MMP25: variants seen among roughly 807,000 people sequenced by gnomAD.
The protein encoded by MMP25 is matrix metalloproteinase-25.
In MMP25, 68 loss-of-function variants were observed where a neutral mutation model predicts 62.1. That is an observed-to-expected ratio of 1.10 (90% CI 0.90 to 1.34). The LOEUF is 1.34. MMP25 is among the 40% of genes most tolerant of loss of function. MMP25 has a pLI of 0.00. For missense variants in MMP25, 942 were observed against 792.5 expected (o/e 1.19, Z -2.26); for synonymous variants, 407 against 345.6 (o/e 1.18, Z -1.97).
intron 4 of MMP25, chr16:3,052,884 AG>A (rs1955926153): frequency 1.3e-5 from 2 of 152,388 alleles, no homozygotes; most frequent in Admixed American, 6.5e-5. Context: ...GCAGTTTCTC[AG>A]GGGCCATGTG....
At chr16:3,047,264 G>T (rs1047195355) in intron 1 of MMP25, 151 bp from the exon 2 acceptor site, 6 of 1,214,370 alleles carry the variant, frequency 4.9e-6, no homozygotes, top group East Asian at 2.5e-5. Context: ...GGACTGAAGC[G>T]GGGACCTATG....
chr16:3,058,813 C>A lies in MMP25; in HGVS notation c.1418-14C>A, dbSNP rs1956064135. The A allele has an allele frequency of 6.6e-7, 1 of 1,504,758 alleles. No individual in the cohort carries two copies. Among genetic ancestry groups the A allele is most frequent in the Non-Finnish European group, 8.9e-7 (1 of 1,122,720 alleles). 93.2% of individuals were successfully genotyped at this position (1,504,758 alleles called of 1,614,324 possible). On this transcript the variant is annotated splice_polypyrimidine_tract_variant and intron_variant, in intron 9 of 9. Coordinates refer to ENST00000336577, the MANE Select transcript of MMP25 (RefSeq NM_022468.5). The stretch of plus-strand genomic sequence containing the variant: ...GGGCGGGGAGGGACCGGGACTCAAG[C>A]TCTGCTCCTCCAGGTGACACCTACT...
chr16:3,057,580 G>C lies in MMP25; in HGVS notation c.973G>C (p.Ala325Pro). Residue 325 changes from alanine (A) to proline (P), a missense_variant, in exon 7 of 10, where the codon GCC becomes CCC. Physicochemically the swap from Ala to Pro is conservative, Grantham distance 27. Transcript: ENST00000336577. ...DRCEGNFDAI[A>P]NIRGETFFFK... ...ATGTGAGGGCAATTTTGACGCCATC[G>C]CCAACATCCGAGGGGAAACTTTCTT... 4.3e-6 allele frequency: 7 copies of C among 1,614,126 alleles called. No individual in the cohort carries two copies. Among genetic ancestry groups the C allele is most frequent in the Non-Finnish European group, 5.9e-6 (7 of 1,180,026 alleles).
At chr16:3,053,439 G>A (rs2741903) in intron 4 of MMP25, 11 of 121,392 alleles carry the variant, frequency 9.1e-5, no homozygotes, top group African/African-American at 1.2e-4. Context: ...CAGGTTCCTC[G>A]CCTGAGAAAT....
rs4025755 is a variant in MMP25, at chr16:3,054,414, A to T, written c.662-2619A>T. ...AATGGACAGATGCATGCACAGAGGC[A>T]GGGATGGATGGATGGACAGATGCAT... On this transcript the variant is annotated intron_variant, in intron 4 of 9. Coordinates refer to ENST00000336577, the MANE Select transcript of MMP25 (RefSeq NM_022468.5). 2.9e-5 allele frequency: 2 copies of T among 68,748 alleles called. 1 individual carries two copies. Among genetic ancestry groups the T allele is most frequent in the African/African-American group, 1.3e-4 (2 of 15,448 alleles). The allele number at this position is 68,748 out of a possible 1,614,324, so 4.3% of individuals were successfully genotyped here.
Position 3,060,520 on chromosome 16 carries a change from A to G in MMP25, c.*1422A>G, listed in dbSNP as rs961054769. On this transcript the variant is annotated 3_prime_UTR_variant, in exon 10 of 10. Coordinates refer to ENST00000336577, the MANE Select transcript of MMP25 (RefSeq NM_022468.5). ...GCTGTGGGCGGCTGTCCCAGCAACC[A>G]TGCGAGGGGTTGCCCCAGTTGCTCA... 11 of 152,302 alleles carry G rather than the reference A, an allele frequency of 7.2e-5. No individual in the cohort carries two copies. The highest frequency in any genetic ancestry group is 7.2e-4 in the Admixed American group (11 of 15,308). 9.4% of individuals were successfully genotyped at this position (152,302 alleles called of 1,614,324 possible).
chr16:3,049,857 C>T, intron 2 of MMP25, 152 bp from the exon 3 acceptor site: 1 of 1,140,554 alleles, frequency 8.8e-7, no homozygotes, highest in South Asian at 1.3e-5. Context: ...GACAGACTGC[C>T]TGGGTTCAAA....
chr16:3,050,319 C>T lies in MMP25; in HGVS notation c.434C>T (p.Ala145Val). The stretch of plus-strand genomic sequence containing the variant: ...ACCGTGCGGGTCCTCATGAGCTATG[C>T]CCTGATGGCCTGGGGCATGGAGTCA... ...QETVRVLMSY[A>V]LMAWGMESGL... The change falls in exon 4 of 10, where the codon GCC becomes GTC. Residue 145 changes from alanine to valine, a missense_variant. Ala to Val is a moderately conservative substitution (Grantham distance 64). Coordinates refer to ENST00000336577, the MANE Select transcript of MMP25 (RefSeq NM_022468.5). 1.2e-6 allele frequency: 2 copies of T among 1,613,792 alleles called. No individual in the cohort carries two copies. The highest frequency in any genetic ancestry group is 1.7e-6 in the Non-Finnish European group (2 of 1,179,872).
At chr16:3,051,755 G>A (rs1955905517) in intron 4 of MMP25, 1 of 152,130 alleles carries the variant, frequency 6.6e-6, no homozygotes, top group African/African-American at 2.4e-5. Context: ...AGCCTGCAGG[G>A]GCTCAGAGAT....
At chr16:3,048,605 A>G (rs1228252331) in intron 2 of MMP25, among the ~76,000 whole-genome samples, 1 of 152,112 alleles carries the variant, frequency 6.6e-6, no homozygotes, top group Non-Finnish European at 1.5e-5. Flanking sequence ...AAGATGTGGA[A>G]GAAGAGTGTC....
chr16:3,055,426 C>A, intron 4 of MMP25, among the ~76,000 whole-genome samples: 1 of 152,110 alleles, frequency 6.6e-6, no homozygotes, highest in South Asian at 2.1e-4. Flanking sequence ...AGAGAACCTA[C>A]AGTCGACAGG....
At chr16:3,056,331 C>T (rs779847165) in intron 4 of MMP25, 17 of 191,430 alleles carry the variant, frequency 8.9e-5, no homozygotes, top group Non-Finnish European at 1.6e-4. Context: ...GAGAATGGCA[C>T]GCACCTTGTA....
At chr16:3,048,898 C>G (rs929229747) in intron 2 of MMP25, among the ~76,000 whole-genome samples, 1 of 151,634 alleles carries the variant, frequency 6.6e-6, no homozygotes, top group African/African-American at 2.4e-5. Flanking sequence ...CTCTGCCTCC[C>G]GGGTTCAAGT....
chr16:3,053,269 G>A (rs1269753058), intron 4 of MMP25: 1 of 152,088 alleles, frequency 6.6e-6, no homozygotes, highest in Non-Finnish European at 1.5e-5. Context: ...GGGAGGTTGA[G>A]ACTGCAATGA....
At position 3,057,396 on chromosome 16, in the gene MMP25, TGA is replaced by T; in HGVS notation, c.923+4_923+5del. The stretch of plus-strand genomic sequence containing the variant: ...GCCCCCGGCCTCGCCCACACACAGG[TGA>T]GTCCCCCACCAACTCGGAGACCTTG... On this transcript the variant is annotated splice_donor_region_variant and intron_variant, in intron 6 of 9. Transcript: ENST00000336577. The T allele has an allele frequency of 6.2e-7, 1 of 1,610,964 alleles. No individual in the cohort carries two copies. The highest frequency in any genetic ancestry group is 8.5e-7 in the Non-Finnish European group (1 of 1,178,180).
intron 2 of MMP25, among the ~76,000 whole-genome samples, chr16:3,048,789 C>G (rs1955856838): frequency 1.3e-5 from 2 of 151,430 alleles, no homozygotes; most frequent in African/African-American, 4.9e-5. Context: ...CAATTCAGAA[C>G]TTGGTATGAC....
chr16:3,049,681 C>T (rs1955871033), intron 2 of MMP25, among the ~76,000 whole-genome samples: 1 of 152,194 alleles, frequency 6.6e-6, no homozygotes. Context: ...CACTGCATAC[C>T]CAGGGCTCCT....
At chr16:3,056,486 A>G (rs1478888045) in intron 4 of MMP25, among the ~76,000 whole-genome samples, 1 of 150,130 alleles carries the variant, frequency 6.7e-6, no homozygotes, top group East Asian at 2.0e-4. Context: ...TGCAGCCTCC[A>G]CCTCCCGGGC....
At chr16:3,056,851 T>C (rs1017896621) in intron 4 of MMP25, 182 bp from the exon 5 acceptor site, 2 of 586,604 alleles carry the variant, frequency 3.4e-6, no homozygotes, top group Admixed American at 3.5e-5. Flanking sequence ...ACAGCCATGC[T>C]GACTGAGTGA....
Sources: gnomAD v4.1 joint callset for allele counts (sites outside exome capture counted in the v4.1 genomes callset) on GRCh38, gnomAD v4.1.1 for gene constraint, MANE v1.5 for transcripts, NCBI Gene and HGNC (gene_info 2026-07-23, HGNC 2026-07-21) for gene names.